The following TOX3 variants were observed in gnomAD, a reference collection of about 807,000 sequenced individuals.
The protein encoded by TOX3 is CAG trinucleotide repeat-containing gene F9 protein.
A neutral mutation model predicts 64.3 loss-of-function variants in TOX3; 22 were observed. That is an observed-to-expected ratio of 0.34 (90% confidence interval 0.24 to 0.49). The LOEUF is 0.49. TOX3 is among the 20% of genes least tolerant of loss of function. TOX3 has a pLI of 0.99. For missense variants in TOX3, 661 were observed against 714.4 expected, an observed-to-expected ratio of 0.93 and a Z score of 0.85; for synonymous variants, 291 against 273.6, an observed-to-expected ratio of 1.06 and a Z score of -0.63.
chr16:52,472,095 T>C (rs1961063926), intron 1 of TOX3, among the ~76,000 whole-genome samples: 1 of 152,150 alleles, frequency 6.6e-6, no homozygotes, highest in Non-Finnish European at 1.5e-5. Context: ...CATGGTCCAG[T>C]AAGGTTGGGA....
At chr16:52,447,918 C>A (rs994654257) in intron 4 of TOX3, among the ~76,000 whole-genome samples, 1 of 152,080 alleles carries the variant, frequency 6.6e-6, no homozygotes, top group African/African-American at 2.4e-5. Context: ...GCCACAATAC[C>A]CTGACCAATG....
chr16:52,523,627 G>A (rs1236010995), intron 1 of TOX3, among the ~76,000 whole-genome samples: 1 of 152,162 alleles, frequency 6.6e-6, no homozygotes, highest in African/African-American at 2.4e-5. Flanking sequence ...AACAGCAAAA[G>A]GGAAGACTTA....
chr16:52,451,065 C>T (rs946207013), intron 3 of TOX3, among the ~76,000 whole-genome samples: 2 of 152,108 alleles, frequency 1.3e-5, no homozygotes, highest in Admixed American at 1.3e-4. Context: ...ATGCACAGGG[C>T]ACGCAGAGGA....
intron 1 of TOX3, among the ~76,000 whole-genome samples, chr16:52,513,715 A>C (rs979121354): frequency 2.6e-5 from 4 of 152,226 alleles, no homozygotes; most frequent in African/African-American, 9.6e-5. Context: ...AAAACTGAAA[A>C]GTCTAAAATG....
intron 1 of TOX3, among the ~76,000 whole-genome samples, chr16:52,483,142 C>G (rs1359490458): frequency 6.6e-6 from 1 of 152,180 alleles, no homozygotes; most frequent in Middle Eastern, 3.2e-3. Flanking sequence ...GAAAACCTCC[C>G]AGGAAAACCA....
At chr16:52,452,515 C>A (rs1411308123) in intron 3 of TOX3, among the ~76,000 whole-genome samples, 1 of 142,240 alleles carries the variant, frequency 7.0e-6, no homozygotes, top group African/African-American at 2.7e-5. Context: ...GGTTCCAAGT[C>A]TTTGCTATTG....
At chr16:52,486,846 G>T (rs925077683) in intron 1 of TOX3, among the ~76,000 whole-genome samples, 1 of 152,156 alleles carries the variant, frequency 6.6e-6, no homozygotes, top group South Asian at 2.1e-4. Context: ...TGAGACGGGG[G>T]TATCACTTGA....
At chr16:52,481,147 T>C (rs559036360) in intron 1 of TOX3, among the ~76,000 whole-genome samples, 3 of 152,350 alleles carry the variant, frequency 2.0e-5, no homozygotes, top group African/African-American at 7.2e-5. Context: ...TCATTGCTTC[T>C]ACACTATCCA....
intron 1 of TOX3, among the ~76,000 whole-genome samples, chr16:52,486,201 G>C (rs1354820784): frequency 6.6e-6 from 1 of 152,112 alleles, no homozygotes; most frequent in Non-Finnish European, 1.5e-5. Flanking sequence ...GCCTAGAGGA[G>C]AACCCTGAAG....
At chr16:52,460,700 A>G (rs576130441) in intron 3 of TOX3, among the ~76,000 whole-genome samples, 58 of 148,452 alleles carry the variant, frequency 3.9e-4, no homozygotes, top group African/African-American at 1.4e-3. Context: ...CTGCAGAATT[A>G]AGTACTTAAG....
intron 4 of TOX3, 49 bp from the exon 5 acceptor site, chr16:52,446,270 T>C (rs1462919141): frequency 1.3e-6 from 2 of 1,572,054 alleles, no homozygotes; most frequent in Admixed American, 1.8e-5. Context: ...TTGCAGAGAA[T>C]GCAACAAGAC....
At chr16:52,491,640 G>T (rs1312654887) in intron 1 of TOX3, among the ~76,000 whole-genome samples, 1 of 152,102 alleles carries the variant, frequency 6.6e-6, no homozygotes, top group East Asian at 1.9e-4. Context: ...CCCATGGACT[G>T]GAAATGTCAC....
intron 1 of TOX3, among the ~76,000 whole-genome samples, chr16:52,515,925 C>T (rs74719648): frequency 6.6e-6 from 1 of 152,008 alleles, no homozygotes; most frequent in Non-Finnish European, 1.5e-5. Flanking sequence ...ATAAACAGCA[C>T]AATTACTTTT....
At chr16:52,523,260 G>A (rs918347596) in intron 1 of TOX3, among the ~76,000 whole-genome samples, 14 of 152,280 alleles carry the variant, frequency 9.2e-5, no homozygotes, top group South Asian at 2.1e-4. Flanking sequence ...TGAGGTGGGC[G>A]TGTGCCAGGG....
intron 1 of TOX3, 139 bp from the exon 2 acceptor site, chr16:52,468,713 C>T (rs1263524838): frequency 4.8e-6 from 3 of 627,638 alleles, no homozygotes; most frequent in East Asian, 5.6e-5. Context: ...GGTTTCAAGG[C>T]TATACTGTCA....
At chr16:52,488,220 A>T (rs183247741) in intron 1 of TOX3, among the ~76,000 whole-genome samples, 1 of 152,290 alleles carries the variant, frequency 6.6e-6, no homozygotes, top group Non-Finnish European at 1.5e-5. Flanking sequence ...CCCTGCCCCT[A>T]GCCAGTGGCC....
At chr16:52,473,386 G>A (rs1017088128) in intron 1 of TOX3, among the ~76,000 whole-genome samples, 8 of 151,788 alleles carry the variant, frequency 5.3e-5, no homozygotes, top group South Asian at 2.1e-4. Flanking sequence ...ATAATCCTTC[G>A]AATTCTCTTT....
chr16:52,508,601 T>C (rs746718006), intron 1 of TOX3, among the ~76,000 whole-genome samples: 1 of 151,872 alleles, frequency 6.6e-6, no homozygotes, highest in Non-Finnish European at 1.5e-5. Context: ...AACTAAGCAA[T>C]ATATTATTAG....
upstream of TOX3, chr16:52,547,285 C>T (rs1374012205): frequency 6.9e-6 from 1 of 144,792 alleles, no homozygotes; most frequent in African/African-American, 2.5e-5. Flanking sequence ...GCCCGGACCG[C>T]CTCCGGGAGC....
Sources: allele counts gnomAD v4.1 joint callset (sites outside exome capture counted in the v4.1 genomes callset), GRCh38; gene constraint gnomAD v4.1.1; transcripts MANE v1.5; gene names NCBI Gene and HGNC (gene_info 2026-07-23, HGNC 2026-07-21).